Variants in ANXA8 observed in about 807,000 individuals in gnomAD.
ANXA8 encodes VAC-beta.
In ANXA8, 9 loss-of-function variants were observed where a neutral mutation model predicts 26.8. That is an observed-to-expected ratio of 0.34 (90% CI 0.20 to 0.59). ANXA8 has a LOEUF of 0.59. ANXA8 is among the 20% of genes least tolerant of loss of function. The pLI, the probability that ANXA8 is intolerant of heterozygous loss-of-function variation, is 0.84. For missense variants in ANXA8, 83 were observed against 238.5 expected (o/e 0.35, Z 4.29); for synonymous variants, 39 against 94.8 (o/e 0.41, Z 3.42).
At chr10:47,521,369 T>A in the ANXA8 span, among the ~76,000 whole-genome samples, 1 of 140,664 alleles carries the variant, frequency 7.1e-6, no homozygotes, top group Non-Finnish European at 1.5e-5. Context: ...ATTCACACAA[T>A]GCATTTGTTT....
At chr10:47,768,308 C>T in the ANXA8 span, among the ~76,000 whole-genome samples, 1 of 151,576 alleles carries the variant, frequency 6.6e-6, no homozygotes, top group African/African-American at 2.4e-5. Context: ...GCAATGTGCT[C>T]AGTCACCAGG....
the ANXA8 span, among the ~76,000 whole-genome samples, chr10:47,907,289 G>A: frequency 3.3e-5 from 5 of 152,068 alleles, no homozygotes; most frequent in African/African-American, 1.2e-4. Flanking sequence ...CCCGGGAGGC[G>A]GAGCTTGCAG....
At chr10:47,609,387 GAAC>G in the ANXA8 span, among the ~76,000 whole-genome samples, 1 of 129,206 alleles carries the variant, frequency 7.7e-6, no homozygotes, top group African/African-American at 3.4e-5. Flanking sequence ...GATGATTGAG[GAAC>G]AACAACAAAA....
chr10:47,951,811 C>CAAAAAAAAAAA, the ANXA8 span, among the ~76,000 whole-genome samples: 1 of 94,554 alleles, frequency 1.1e-5, no homozygotes, highest in Non-Finnish European at 1.8e-5. Context: ...ACTCTGTCTC[C>CAAAAAAAAAAA]AAAAAAAAAA....
chr10:47,577,797 T>C, the ANXA8 span, among the ~76,000 whole-genome samples: 22 of 36,698 alleles, frequency 6.0e-4, no homozygotes, highest in Admixed American at 1.4e-3. Flanking sequence ...GTCGGGAGTT[T>C]GAGACCAGCC....
the ANXA8 span, among the ~76,000 whole-genome samples, chr10:47,693,346 G>A: frequency 6.7e-6 from 1 of 150,134 alleles, no homozygotes; most frequent in African/African-American, 2.5e-5. Flanking sequence ...CTAGAGTGCA[G>A]TGGCGCGATG....
chr10:47,495,377 C>T, the ANXA8 span, among the ~76,000 whole-genome samples: 2 of 149,524 alleles, frequency 1.3e-5, no homozygotes, highest in African/African-American at 4.9e-5. Context: ...CTTCTGCCTC[C>T]CGCGTTCAAG....
chr10:47,568,956 A>C, the ANXA8 span, among the ~76,000 whole-genome samples: 2 of 45,620 alleles, frequency 4.4e-5, 1 homozygote, highest in Non-Finnish European at 9.6e-5. Context: ...AAAAAAAAAA[A>C]AAAGAATCAC....
chr10:47,898,593 C>G, the ANXA8 span, among the ~76,000 whole-genome samples: 1 of 67,576 alleles, frequency 1.5e-5, no homozygotes, highest in Non-Finnish European at 2.8e-5. Flanking sequence ...GTAAGAACCT[C>G]AGATTTAAAA....
At chr10:47,657,016 T>C in the ANXA8 span, among the ~76,000 whole-genome samples, 3 of 148,720 alleles carry the variant, frequency 2.0e-5, no homozygotes, top group Non-Finnish European at 4.5e-5. Context: ...TCTAACTTGG[T>C]TCTCTGTTGA....
the ANXA8 span, among the ~76,000 whole-genome samples, chr10:47,699,604 A>G: frequency 6.6e-6 from 1 of 151,436 alleles, no homozygotes; most frequent in Non-Finnish European, 1.5e-5. Flanking sequence ...AAGTGGGTGG[A>G]CAGCTTGAGC....
the ANXA8 span, among the ~76,000 whole-genome samples, chr10:47,561,690 A>T: frequency 6.6e-6 from 1 of 151,874 alleles, no homozygotes; most frequent in Non-Finnish European, 1.5e-5. Flanking sequence ...CATGTATTTG[A>T]GTGCCTAATG....
At chr10:47,676,126 T>C in the ANXA8 span, among the ~76,000 whole-genome samples, 2 of 151,166 alleles carry the variant, frequency 1.3e-5, no homozygotes, top group Non-Finnish European at 2.9e-5. Flanking sequence ...TGAAGACAGA[T>C]TGGAAAGAGA....
chr10:47,971,018 C>T, the ANXA8 span, among the ~76,000 whole-genome samples: 1 of 151,430 alleles, frequency 6.6e-6, no homozygotes, highest in Non-Finnish European at 1.5e-5. Context: ...AATCCTGGCT[C>T]TGCCACCTTC....
the ANXA8 span, among the ~76,000 whole-genome samples, chr10:47,949,201 T>C: frequency 7.6e-6 from 1 of 132,334 alleles, no homozygotes; most frequent in Non-Finnish European, 1.5e-5. Flanking sequence ...AGTATAATCA[T>C]ATCTATCTAT....
chr10:47,669,668 T>C, the ANXA8 span, among the ~76,000 whole-genome samples: 1 of 151,576 alleles, frequency 6.6e-6, no homozygotes, highest in South Asian at 2.1e-4. Context: ...CGTGCTGAGA[T>C]CATGTCACTG....
chr10:47,502,139 T>G, the ANXA8 span: 10 of 1,571,682 alleles, frequency 6.4e-6, 2 homozygotes, highest in Non-Finnish European at 7.8e-6. Context: ...GCTGGAGGCC[T>G]GCCGGGCGTA....
At chr10:47,978,335 A>G in the ANXA8 span, among the ~76,000 whole-genome samples, 1 of 149,584 alleles carries the variant, frequency 6.7e-6, no homozygotes, top group African/African-American at 2.4e-5. Flanking sequence ...AAATGAAAGG[A>G]CACTAGATGG....
chr10:47,761,164 A>G, the ANXA8 span, among the ~76,000 whole-genome samples: 2 of 151,026 alleles, frequency 1.3e-5, no homozygotes, highest in Non-Finnish European at 2.9e-5. Context: ...AGCACCTGAC[A>G]GTGTCAGCCA....
Sources: gnomAD v4.1 joint callset for allele counts (sites outside exome capture counted in the v4.1 genomes callset) on GRCh38, gnomAD v4.1.1 for gene constraint, MANE v1.5 for transcripts, NCBI Gene and HGNC (gene_info 2026-07-23, HGNC 2026-07-21) for gene names.